ATP2B2: variants seen among roughly 807,000 people sequenced by gnomAD.
ATP2B2 encodes the protein ATPase plasma membrane Ca2+ transporting 2, also known as plasma membrane calcium-transporting ATPase 2.
Under a neutral mutation model 120.0 loss-of-function variants are expected in ATP2B2, and 15 were observed. The ratio of observed to expected loss-of-function variants is 0.12; its 90% CI spans 0.08 to 0.19. The LOEUF (loss-of-function observed/expected upper bound fraction) is 0.19, where lower values mean the gene tolerates loss of function less well. Among genes scored for constraint, ATP2B2 ranks in the 10% least tolerant of loss-of-function variants. The probability of loss-of-function intolerance (pLI) is 1.00; values close to 1 mark genes in which losing one functional copy is unlikely to be tolerated. For synonymous variants in ATP2B2, 694 were observed against 700.3 expected, an observed-to-expected ratio of 0.99 and a Z score of 0.14; for missense variants, 1,045 against 1,719.8, an observed-to-expected ratio of 0.61 and a Z score of 6.94.
intron 3 of ATP2B2, among the ~76,000 whole-genome samples, chr3:10,529,964 A>G (rs1259573730): frequency 5.3e-5 from 8 of 152,180 alleles, no homozygotes; most frequent in Non-Finnish European, 1.2e-4. Context: ...GCCGGGAAAG[A>G]GTCAGCCTCC....
At chr3:10,478,838 G>C (rs951987827) in intron 1 of ATP2B2, among the ~76,000 whole-genome samples, 6 of 152,184 alleles carry the variant, frequency 3.9e-5, no homozygotes, top group Non-Finnish European at 7.4e-5. Context: ...ATCTCATCTT[G>C]AATTGTAATT....
chr3:10,466,378 A>T (rs1168390058), intron 1 of ATP2B2, among the ~76,000 whole-genome samples: 1 of 152,160 alleles, frequency 6.6e-6, no homozygotes, highest in East Asian at 1.9e-4. Flanking sequence ...GCTAGCCTGC[A>T]CACGTCTGAG....
At chr3:10,540,098 G>A (rs1450616725) in intron 2 of ATP2B2, among the ~76,000 whole-genome samples, 3 of 152,200 alleles carry the variant, frequency 2.0e-5, no homozygotes, top group Non-Finnish European at 4.4e-5. Flanking sequence ...CATTTATGCA[G>A]CCAACAGACA....
intron 1 of ATP2B2, among the ~76,000 whole-genome samples, chr3:10,646,022 AG>A (rs1339108175): frequency 6.6e-6 from 1 of 152,166 alleles, no homozygotes; most frequent in Non-Finnish European, 1.5e-5. Context: ...GCTAGTTGGC[AG>A]CTGCTGTCTA....
chr3:10,343,035 T>A lies in ATP2B2; in HGVS notation c.2704-70A>T, dbSNP rs142926804. 2.0e-6 allele frequency: 3 copies of A among 1,518,572 alleles called. No individual in the cohort carries two copies. The highest frequency in any genetic ancestry group is 2.7e-6 in the Non-Finnish European group (3 of 1,099,816). The allele number at this position is 1,518,572 out of a possible 1,614,324, so 94.1% of individuals were successfully genotyped here. On this transcript the variant is annotated intron_variant, in intron 18 of 22. Transcript: ENST00000360273. This position sits in a 1 kb window ranked among gnomAD's most constrained non-coding sequence, Gnocchi z 4.2. ...TGCTGTGAAGTGCTGGGCGGGCTCA[T>A]GGTGTAGTGTCCGCAGGCTCCTGCT...
At chr3:10,520,512 C>A (rs1289418955) in intron 3 of ATP2B2, among the ~76,000 whole-genome samples, 1 of 152,126 alleles carries the variant, frequency 6.6e-6, no homozygotes, top group Non-Finnish European at 1.5e-5. Context: ...ATTCTGTCAC[C>A]CAGGCTGGAG....
chr3:10,381,095 G>A (rs1294721868), intron 8 of ATP2B2, among the ~76,000 whole-genome samples: 3 of 152,204 alleles, frequency 2.0e-5, no homozygotes, highest in African/African-American at 2.4e-5. Context: ...CACTTTCTGG[G>A]TGACTCAGAG....
At chr3:10,367,631 CAGAG>C (rs1409990926) in intron 12 of ATP2B2, among the ~76,000 whole-genome samples, 1 of 152,146 alleles carries the variant, frequency 6.6e-6, no homozygotes, top group Non-Finnish European at 1.5e-5. Context: ...AGCCTCATGG[CAGAG>C]GTGTGGCTCT....
chr3:10,475,027 T>C (rs1184890669), intron 1 of ATP2B2, among the ~76,000 whole-genome samples: 2 of 152,180 alleles, frequency 1.3e-5, no homozygotes, highest in Non-Finnish European at 2.9e-5. Context: ...ATGTCCGAAT[T>C]AACCACTTCC....
At chr3:10,490,268 G>C (rs2065884221) in intron 1 of ATP2B2, among the ~76,000 whole-genome samples, 1 of 152,182 alleles carries the variant, frequency 6.6e-6, no homozygotes, top group African/African-American at 2.4e-5. Context: ...CAGTGCCCAT[G>C]GACAGGTCAC....
At chr3:10,500,264 T>C (rs531655841) in intron 1 of ATP2B2, among the ~76,000 whole-genome samples, 1 of 152,198 alleles carries the variant, frequency 6.6e-6, no homozygotes, top group South Asian at 2.1e-4. Context: ...TTAATGTCTC[T>C]GGGCCCTGGT....
intron 2 of ATP2B2, among the ~76,000 whole-genome samples, chr3:10,432,927 C>T (rs1289945301): frequency 1.3e-5 from 2 of 152,174 alleles, no homozygotes; most frequent in African/African-American, 4.8e-5. Flanking sequence ...GGACTGGGGG[C>T]TCTGGCTGGG....
intron 2 of ATP2B2, among the ~76,000 whole-genome samples, chr3:10,541,476 C>G (rs1227397382): frequency 6.6e-6 from 1 of 152,092 alleles, no homozygotes; most frequent in Non-Finnish European, 1.5e-5. Flanking sequence ...AACTGTCATT[C>G]AATTTGATAT....
intron 2 of ATP2B2, among the ~76,000 whole-genome samples, chr3:10,576,039 T>C (rs66783826): frequency 0.12 from 17,727 of 152,230 alleles, 1,699 homozygotes; most frequent in East Asian, 0.32. Context: ...GTACCGCAAA[T>C]GCTGCTAACG....
At chr3:10,676,933 G>A (rs1017080638) in intron 1 of ATP2B2, among the ~76,000 whole-genome samples, 1 of 152,192 alleles carries the variant, frequency 6.6e-6, no homozygotes, top group African/African-American at 2.4e-5. Flanking sequence ...AGGAGGTAGA[G>A]CAACAGGAAC....
intron 6 of ATP2B2, chr3:10,387,786 A>C (rs1020301721): frequency 2.7e-5 from 6 of 226,216 alleles, no homozygotes; most frequent in African/African-American, 1.4e-4. Context: ...TAAACTCATA[A>C]TGGTTGATTT....
At chr3:10,596,421 G>A (rs577365705) in intron 2 of ATP2B2, among the ~76,000 whole-genome samples, 6 of 152,282 alleles carry the variant, frequency 3.9e-5, no homozygotes, top group Admixed American at 6.5e-5. Flanking sequence ...CTTCGTAACC[G>A]GTCTCATGCA....
intron 14 of ATP2B2, among the ~76,000 whole-genome samples, chr3:10,355,593 C>T (rs1041734851): frequency 3.3e-5 from 5 of 152,138 alleles, no homozygotes; most frequent in African/African-American, 1.2e-4. Flanking sequence ...GGCTCGTTAG[C>T]GGCAAAGTCG....
intron 1 of ATP2B2, among the ~76,000 whole-genome samples, chr3:10,694,493 C>T (rs1159391106): frequency 1.3e-5 from 2 of 152,262 alleles, no homozygotes; most frequent in East Asian, 3.9e-4. Flanking sequence ...TAGTTTGTTC[C>T]TTCTTATTGC....
Sources: gnomAD v4.1 joint callset for allele counts (sites outside exome capture counted in the v4.1 genomes callset) on GRCh38, gnomAD v4.1.1 for gene constraint, Gnocchi (gnomAD v3.1) non-coding constraint, MANE v1.5 for transcripts, NCBI Gene and HGNC (gene_info 2026-07-23, HGNC 2026-07-21) for gene names.